The following KIAA1210 variants were observed in gnomAD, a reference collection of about 807,000 sequenced individuals.
The protein encoded by KIAA1210 is KIAA1210, also known as acrosomal protein KIAA1210.
Under a neutral mutation model 78.9 loss-of-function variants are expected in KIAA1210, and 48 were observed. That is an observed-to-expected ratio of 0.61 (90% CI 0.48 to 0.77). The LOEUF is 0.77. KIAA1210 is among the 30% of genes least tolerant of loss of function. KIAA1210 has a pLI of 0.00. For missense variants in KIAA1210, 1,108 were observed against 1,100.0 expected (o/e 1.01, Z -0.10); for synonymous variants, 406 against 404.5 (o/e 1.00, Z -0.04).
intron 4 of KIAA1210, among the ~76,000 whole-genome samples, chrX:119,108,689 AC>A (rs978070708): frequency 8.2e-5 from 9 of 109,425 alleles, no homozygotes; most frequent in Non-Finnish European, 1.5e-4. Context: ...ACATGGTGAA[AC>A]CCTGTCTCCA....
intron 2 of KIAA1210, among the ~76,000 whole-genome samples, chrX:119,142,723 C>T (rs887655199): frequency 1.1e-5 from 1 of 89,219 alleles, no homozygotes; most frequent in Non-Finnish European, 2.1e-5. Flanking sequence ...TGCAGTGAGC[C>T]GAGATCATGC....
chrX:119,107,583 G>A (rs1927931483), intron 5 of KIAA1210, among the ~76,000 whole-genome samples: 1 of 112,325 alleles, frequency 8.9e-6, no homozygotes, highest in Admixed American at 9.4e-5. Flanking sequence ...CAACTTTAGG[G>A]TCAACACCAT....
Position 119,078,861 on chromosome X carries a change from C to G in KIAA1210, c.*2468G>C, listed in dbSNP as rs1455540949. The G allele has an allele frequency of 9.1e-6, 1 of 110,377 alleles. No homozygotes were observed. The highest frequency in any genetic ancestry group is 1.9e-5 in the Non-Finnish European group (1 of 52,777). The allele number at this position is 110,377 out of a possible 1,213,427, so 9.1% of individuals were successfully genotyped here. A position where few individuals can be genotyped will look rare whatever the true frequency, so the allele number is the denominator to read the frequency against. On this transcript the variant is annotated 3_prime_UTR_variant, in exon 12 of 12. Coordinates refer to ENST00000691062, the MANE Select transcript of KIAA1210 (RefSeq NM_001394962.1). ...GTGAAAAAAAGGAAGGGAGGTGTAA[C>G]AGCTGTGTTGTTAACTGTGGAAAAG...
chrX:119,121,316 C>T (rs1928450907), intron 2 of KIAA1210, among the ~76,000 whole-genome samples: 1 of 111,561 alleles, frequency 9.0e-6, no homozygotes, highest in African/African-American at 3.3e-5. Context: ...TGGGTAAAAA[C>T]TCACATTTGT....
At chrX:119,124,381 T>C (rs1255813404) in intron 1 of KIAA1210, among the ~76,000 whole-genome samples, 1 of 112,500 alleles carries the variant, frequency 8.9e-6, no homozygotes, top group Non-Finnish European at 1.9e-5. Context: ...TTGAATTGTA[T>C]ACTTTAAATA....
chrX:119,125,663 G>A (rs1362209413), intron 1 of KIAA1210, among the ~76,000 whole-genome samples: 2 of 86,200 alleles, frequency 2.3e-5, no homozygotes, highest in Non-Finnish European at 4.5e-5. Flanking sequence ...TCCCACCTCA[G>A]CCTTCATAGC....
Position 119,108,331 on chromosome X carries a change from T to A in KIAA1210, c.492+6A>T. 1.7e-6 allele frequency: 2 copies of A among 1,206,928 alleles called. No homozygotes were observed. Among genetic ancestry groups the A allele is most frequent in the Non-Finnish European group, 2.2e-6 (2 of 892,690 alleles). On this transcript the variant is annotated splice_donor_region_variant and intron_variant, in intron 5 of 11. Transcript: ENST00000691062. ...GCCCATGCGCTGAACAATTCCACTT[T>A]GTTACCTCAGTGATCTTGGGGCCAG...
chrX:119,086,643 T>C lies in KIAA1210; in HGVS notation c.4059A>G (p.Ala1353=). The C allele has an allele frequency of 8.3e-7, 1 of 1,211,576 alleles. No homozygotes were observed. The highest frequency in any genetic ancestry group is 1.1e-6 in the Non-Finnish European group (1 of 895,311). The stretch of plus-strand genomic sequence containing the variant: ...CGTAAGATATTTTGGTGAGGTTCCC[T>C]GCAGCATCCAGGAGCCCCTGGGAAG... ...RSTSQGLLDA[A]GNLTKISYVA... The change falls in exon 9 of 12, where the codon GCA becomes GCG. Residue 1353 remains alanine, a synonymous_variant. Transcript: ENST00000691062.
chrX:119,109,028 A>G, intron 4 of KIAA1210, 48 bp downstream of exon 4: 4 of 1,193,147 alleles, frequency 3.4e-6, no homozygotes, highest in Non-Finnish European at 4.5e-6. Context: ...AGTAGGGAAC[A>G]GAAGAGAAGT....
chrX:119,125,573 C>T (rs1056488442), intron 1 of KIAA1210, among the ~76,000 whole-genome samples: 1 of 101,436 alleles, frequency 9.9e-6, no homozygotes, highest in Non-Finnish European at 2.0e-5. Flanking sequence ...GAGACAGCGC[C>T]TTGCTCTGTT....
chrX:119,118,043 A>T (rs1176943342), intron 2 of KIAA1210, among the ~76,000 whole-genome samples: 1 of 112,156 alleles, frequency 8.9e-6, no homozygotes, highest in Non-Finnish European at 1.9e-5. Context: ...CACATGCAAC[A>T]AGTGCCAACT....
chrX:119,150,906 G>C (rs1041567589), upstream of KIAA1210, among the ~76,000 whole-genome samples: 1 of 112,680 alleles, frequency 8.9e-6, no homozygotes, highest in African/African-American at 3.2e-5. Flanking sequence ...TGGTGTCTAG[G>C]GGGAGTAGGT....
Position 119,125,735 on chromosome X carries a change from A to ATATATATATTTT in KIAA1210, c.-11+1991_-11+1992insAAAATATATATA, listed in dbSNP as rs5903546. On this transcript the variant is annotated intron_variant, in intron 1 of 11. Coordinates refer to ENST00000691062, the MANE Select transcript of KIAA1210 (RefSeq NM_001394962.1). ...AATACATATATATATATATATATAT[A>ATATATATATTTT]TTTTTTTTTTTTTTTTTTTGGAGAG... Among the ~76,000 whole-genome samples, 10 of 15,792 alleles carry ATATATATATTTT rather than the reference A, an allele frequency of 6.3e-4. 1 individual carries two copies. The highest frequency in any genetic ancestry group is 2.6e-3 in the African/African-American group (10 of 3,843). 13.7% of individuals were successfully genotyped at this position (15,792 alleles called of 115,157 possible).
chrX:119,093,908 G>A, intron 7 of KIAA1210, 133 bp from the exon 8 acceptor site: 1 of 879,745 alleles, frequency 1.1e-6, no homozygotes, highest in Non-Finnish European at 1.7e-6. Context: ...AAAGATGGAC[G>A]TTATTTCAAT....
chrX:119,088,635 A>G lies in KIAA1210; in HGVS notation c.2067T>C (p.Asp689=), dbSNP rs957593296. The G allele has an allele frequency of 2.5e-6, 3 of 1,209,940 alleles. No individual in the cohort carries two copies. The highest frequency in any genetic ancestry group is 3.0e-5 in the East Asian group (1 of 33,788). ...GCAGGTCTTCCTCTGAGCTGCTGCA[A>G]TCATCAGAAGTGTTGTACTTTTCAA... ...SYVEKYNTSD[D]CSSSEEDLPL... Residue 689 remains aspartate (D), a synonymous_variant, in exon 9 of 12, where the codon GAT becomes GAC. Transcript: ENST00000691062.
chrX:119,092,904 T>C lies in KIAA1210; in HGVS notation c.955+763A>G, dbSNP rs1051016879. ...TTCTTAGTATTCATGGGAAAACGTG[T>C]TTAGGAATGTCCTGTCTTTGGACCC... On this transcript the variant is annotated intron_variant, in intron 8 of 11. Transcript: ENST00000691062. 1.1e-4 allele frequency among the ~76,000 whole-genome samples: 12 copies of C among 111,299 alleles called. No individual in the cohort carries two copies. The Admixed American group carries it at 1.1e-3, about 11-fold the overall frequency.
chrX:119,088,061 G>T lies in KIAA1210; in HGVS notation c.2641C>A (p.Pro881Thr). Residue 881 changes from proline (P) to threonine (T), a missense_variant, in exon 9 of 12, where the codon CCC becomes ACC. Physicochemically the swap from Pro to Thr is conservative, Grantham distance 38. Around this residue, in one of 5 missense-constraint regions of KIAA1210, gnomAD observed 179 missense variants for 174.1 expected, o/e 1.03. Transcript: ENST00000691062. ...TCCAGGAACTTAGGCCTCTCCGAGG[G>T]CTGGGAAAGGCATCTGGGAGGCAGC... The part of the protein sequence containing the change: ...EPLPPRCLSQ[P>T]SERPKFLDSM... 8.3e-7 allele frequency: 1 copy of T among 1,210,946 alleles called. No individual in the cohort carries two copies. Among genetic ancestry groups the T allele is most frequent in the Non-Finnish European group, 1.1e-6 (1 of 894,953 alleles).
At chrX:119,101,798 G>A (rs1382537770) in intron 6 of KIAA1210, among the ~76,000 whole-genome samples, 1 of 111,682 alleles carries the variant, frequency 9.0e-6, no homozygotes, top group Non-Finnish European at 1.9e-5. Flanking sequence ...TAGAGAATAA[G>A]AACATGGACT....
At chrX:119,109,231 G>A in intron 3 of KIAA1210, 29 bp from the exon 4 acceptor site, 4 of 1,173,752 alleles carry the variant, frequency 3.4e-6, no homozygotes, top group Non-Finnish European at 4.6e-6. Context: ...TCTTGTAAAA[G>A]CAACCCAAGG....
Sources: gnomAD v4.1 joint callset for allele counts (sites outside exome capture counted in the v4.1 genomes callset) on GRCh38, gnomAD v4.1.1 for gene constraint, gnomAD v4.1.1 regional missense constraint, MANE v1.5 for transcripts, NCBI Gene and HGNC (gene_info 2026-07-23, HGNC 2026-07-21) for gene names.